Variants in BRINP3 observed in about 807,000 individuals in gnomAD.
BRINP3 encodes the protein BMP/retinoic acid-inducible neural-specific protein 3.
A neutral mutation model predicts 71.0 loss-of-function variants in BRINP3; 19 were observed. The ratio of observed to expected loss-of-function variants is 0.27; its 90% CI spans 0.19 to 0.39. The LOEUF (loss-of-function observed/expected upper bound fraction) is 0.39. Among genes scored for constraint, BRINP3 ranks in the 10% least tolerant of loss-of-function variants. The pLI is 1.00. For synonymous variants in BRINP3, 380 were observed against 337.7 expected (o/e 1.13, Z -1.37); for missense variants, 959 against 940.8 (o/e 1.02, Z -0.25).
intron 2 of BRINP3, among the ~76,000 whole-genome samples, chr1:190,406,389 CA>C (rs1414912210): frequency 6.6e-6 from 1 of 152,182 alleles, no homozygotes; most frequent in Non-Finnish European, 1.5e-5. Flanking sequence ...TAACACAAAT[CA>C]CATTATACTA....
At chr1:190,380,911 A>C (rs1670506602) in intron 2 of BRINP3, among the ~76,000 whole-genome samples, 1 of 152,166 alleles carries the variant, frequency 6.6e-6, no homozygotes, top group Non-Finnish European at 1.5e-5. Flanking sequence ...TTTCATAAAT[A>C]ACACATTTTA....
At chr1:190,335,660 C>A (rs1378166313) in intron 2 of BRINP3, among the ~76,000 whole-genome samples, 1 of 151,430 alleles carries the variant, frequency 6.6e-6, no homozygotes, top group Non-Finnish European at 1.5e-5. Flanking sequence ...TATATAAATT[C>A]GAATATTTTT....
chr1:190,411,992 A>C (rs540775714), intron 2 of BRINP3, among the ~76,000 whole-genome samples: 1 of 152,046 alleles, frequency 6.6e-6, no homozygotes, highest in East Asian at 1.9e-4. Context: ...CTCCTTTCCT[A>C]CCACACAGCC....
chr1:190,201,181 T>C (rs1654972137), intron 6 of BRINP3, among the ~76,000 whole-genome samples: 1 of 152,128 alleles, frequency 6.6e-6, no homozygotes, highest in African/African-American at 2.4e-5. Flanking sequence ...TGAGGTGGTC[T>C]CAGATGAAGA....
chr1:190,385,183 G>T (rs1316991715), intron 2 of BRINP3, among the ~76,000 whole-genome samples: 2 of 152,044 alleles, frequency 1.3e-5, no homozygotes, highest in African/African-American at 4.8e-5. Context: ...AGGACTTCAT[G>T]TCTAAAACAC....
intron 4 of BRINP3, among the ~76,000 whole-genome samples, chr1:190,262,535 G>C (rs1287047632): frequency 6.6e-6 from 1 of 152,036 alleles, no homozygotes; most frequent in East Asian, 1.9e-4. Flanking sequence ...CCCACTGTTT[G>C]CTGTTTCCTC....
chr1:190,233,707 T>C (rs1658230038), intron 5 of BRINP3, among the ~76,000 whole-genome samples: 1 of 152,166 alleles, frequency 6.6e-6, no homozygotes, highest in South Asian at 2.1e-4. Flanking sequence ...GTTCAACTAG[T>C]AGTGTTTAAA....
intron 7 of BRINP3, among the ~76,000 whole-genome samples, chr1:190,117,306 C>T (rs563217803): frequency 5.9e-5 from 9 of 152,004 alleles, no homozygotes; most frequent in Non-Finnish European, 1.3e-4. Context: ...TATTAACTTC[C>T]TACTCTATAA....
chr1:190,178,318 C>T (rs1652731585), intron 6 of BRINP3, among the ~76,000 whole-genome samples: 1 of 152,030 alleles, frequency 6.6e-6, no homozygotes, highest in African/African-American at 2.4e-5. Flanking sequence ...ATTTTTAACT[C>T]ATCTCCCTTT....
chr1:190,404,282 T>C (rs548864723), intron 2 of BRINP3, among the ~76,000 whole-genome samples: 2 of 152,234 alleles, frequency 1.3e-5, no homozygotes, highest in Admixed American at 6.5e-5. Context: ...ATAGTTTATA[T>C]TGAAGGAAGA....
chr1:190,178,718 T>C (rs897501520), intron 6 of BRINP3, among the ~76,000 whole-genome samples: 2 of 152,074 alleles, frequency 1.3e-5, no homozygotes, highest in Non-Finnish European at 2.9e-5. Flanking sequence ...TAAGTACCTA[T>C]AAATATACAG....
At chr1:190,448,804 T>C (rs1571340631) in intron 2 of BRINP3, among the ~76,000 whole-genome samples, 1 of 152,104 alleles carries the variant, frequency 6.6e-6, no homozygotes, top group East Asian at 1.9e-4. Flanking sequence ...GTTTCAAGTT[T>C]GATAATTCTA....
intron 2 of BRINP3, among the ~76,000 whole-genome samples, chr1:190,390,045 A>G (rs1407686967): frequency 1.3e-5 from 2 of 151,806 alleles, no homozygotes; most frequent in African/African-American, 4.8e-5. Context: ...AAAGATGGAA[A>G]AACAAACCTC....
At chr1:190,399,511 C>G (rs1671792136) in intron 2 of BRINP3, among the ~76,000 whole-genome samples, 1 of 151,872 alleles carries the variant, frequency 6.6e-6, no homozygotes, top group South Asian at 2.1e-4. Context: ...TTTAGAATTT[C>G]TCAGGGGTTT....
chr1:190,150,767 C>T (rs1038030763), intron 7 of BRINP3, among the ~76,000 whole-genome samples: 7 of 151,980 alleles, frequency 4.6e-5, no homozygotes, highest in East Asian at 1.9e-4. Flanking sequence ...TATGCATGCA[C>T]GATTATATTT....
intron 5 of BRINP3, among the ~76,000 whole-genome samples, chr1:190,233,277 T>C (rs1239722967): frequency 2.0e-4 from 30 of 152,030 alleles, no homozygotes; most frequent in Admixed American, 1.9e-3. Flanking sequence ...ACTGCAACCT[T>C]GAACTCTTAG....
In BRINP3 at chr1:190,434,562, A is replaced by T. The variant is rs894614912; in HGVS notation, c.236+20093T>A. 3.3e-5 allele frequency among the ~76,000 whole-genome samples: 5 copies of T among 152,110 alleles called. 1 individual carries two copies. The Middle Eastern group carries it at 0.017, about 517-fold the overall frequency. On this transcript the variant is annotated intron_variant, in intron 2 of 7. Transcript: ENST00000367462. ...GTTATAATGATAGGCATTACACTAT[A>T]GACATTAAAGCTGAGAAATTTAAAT...
intron 2 of BRINP3, among the ~76,000 whole-genome samples, chr1:190,390,710 T>C (rs540145719): frequency 9.2e-5 from 14 of 151,750 alleles, no homozygotes; most frequent in African/African-American, 3.1e-4. Flanking sequence ...ACAATCACAA[T>C]GGTGAAGGCC....
At chr1:190,234,887 T>G (rs1396081547) in intron 4 of BRINP3, among the ~76,000 whole-genome samples, 1 of 152,134 alleles carries the variant, frequency 6.6e-6, no homozygotes, top group Non-Finnish European at 1.5e-5. Flanking sequence ...CAAAACTGAT[T>G]TTATTATTTT....
Sources: allele counts gnomAD v4.1 joint callset (sites outside exome capture counted in the v4.1 genomes callset), GRCh38; gene constraint gnomAD v4.1.1; transcripts MANE v1.5; gene names NCBI Gene and HGNC (gene_info 2026-07-23, HGNC 2026-07-21).